The following RALYL variants were observed in gnomAD, a reference collection of about 807,000 sequenced individuals.
RALYL encodes RNA-binding Raly-like protein.
A neutral mutation model predicts 35.1 loss-of-function variants in RALYL; 29 were observed. The ratio of observed to expected loss-of-function variants is 0.83; its 90% CI spans 0.61 to 1.13. RALYL has a LOEUF of 1.13. Among genes scored for constraint, RALYL ranks in the 50% most tolerant of loss-of-function variants. The pLI is 0.00. For synonymous variants in RALYL, 120 were observed against 127.6 expected (o/e 0.94, Z 0.40); for missense variants, 359 against 360.4 (o/e 1.00, Z 0.03).
intron 3 of RALYL, among the ~76,000 whole-genome samples, chr8:84,784,188 C>T (rs1818846476): frequency 6.6e-6 from 1 of 152,178 alleles, no homozygotes; most frequent in Non-Finnish European, 1.5e-5. Flanking sequence ...TCTTCTATAA[C>T]ACAGTCTTCA....
At chr8:84,430,655 G>T (rs947041116) in intron 1 of RALYL, among the ~76,000 whole-genome samples, 1 of 152,054 alleles carries the variant, frequency 6.6e-6, no homozygotes, top group Admixed American at 6.6e-5. Flanking sequence ...ACAAGACACA[G>T]AAGCACTTTT....
At chr8:84,199,962 C>T (rs1205765937) in intron 1 of RALYL, among the ~76,000 whole-genome samples, 1 of 152,130 alleles carries the variant, frequency 6.6e-6, no homozygotes, top group Non-Finnish European at 1.5e-5. Context: ...CCTGGGAGTT[C>T]TGTAGATCCT....
chr8:84,775,014 A>G (rs1816500716), intron 3 of RALYL, among the ~76,000 whole-genome samples: 1 of 152,108 alleles, frequency 6.6e-6, no homozygotes, highest in South Asian at 2.1e-4. Context: ...CAGTGGCACA[A>G]TCTCAGCTCA....
chr8:84,661,955 T>A (rs76051189), intron 2 of RALYL, among the ~76,000 whole-genome samples: 1 of 151,440 alleles, frequency 6.6e-6, no homozygotes, highest in Non-Finnish European at 1.5e-5. Flanking sequence ...TTTTTTTTTT[T>A]CCTTGTGGTC....
At chr8:84,671,335 G>A (rs557684225) in intron 2 of RALYL, among the ~76,000 whole-genome samples, 76 of 152,264 alleles carry the variant, frequency 5.0e-4, no homozygotes, top group Non-Finnish European at 7.8e-4. Context: ...TAAACTGTTG[G>A]TGGATCTACC....
chr8:84,674,923 A>G (rs916039834), intron 2 of RALYL, among the ~76,000 whole-genome samples: 7 of 152,088 alleles, frequency 4.6e-5, no homozygotes, highest in South Asian at 2.1e-4. Context: ...ATTTATTCTT[A>G]CTTATGTTTA....
chr8:84,714,952 A>C (rs72681019), intron 2 of RALYL, among the ~76,000 whole-genome samples: 29,159 of 151,836 alleles, frequency 0.19, 3,125 homozygotes, highest in Non-Finnish European at 0.23. Context: ...AGGATATATA[A>C]GGTTAAACTT....
intron 2 of RALYL, among the ~76,000 whole-genome samples, chr8:84,644,977 T>A (rs1279251566): frequency 2.6e-5 from 4 of 152,028 alleles, no homozygotes; most frequent in African/African-American, 4.8e-5. Context: ...CTTGAGCTCC[T>A]GGCCTCAAGT....
chr8:84,569,594 ACTGTC>A (rs1229983633), intron 2 of RALYL, among the ~76,000 whole-genome samples: 2 of 151,516 alleles, frequency 1.3e-5, no homozygotes, highest in Non-Finnish European at 2.9e-5. Flanking sequence ...AGTTTAATTA[ACTGTC>A]ATTTGTCTAT....
intron 1 of RALYL, among the ~76,000 whole-genome samples, chr8:84,509,552 T>C (rs2057437371): frequency 6.6e-6 from 1 of 152,162 alleles, no homozygotes; most frequent in Non-Finnish European, 1.5e-5. Context: ...ATTTGTTTCC[T>C]GGATCGTGCC....
chr8:84,539,340 G>A (rs761755498), intron 2 of RALYL, among the ~76,000 whole-genome samples: 2 of 152,024 alleles, frequency 1.3e-5, no homozygotes, highest in Non-Finnish European at 2.9e-5. Flanking sequence ...AAGGCAAAAG[G>A]GCTAGATATC....
chr8:84,518,919 A>G (rs1365008285), intron 1 of RALYL, among the ~76,000 whole-genome samples: 1 of 152,202 alleles, frequency 6.6e-6, no homozygotes, highest in Non-Finnish European at 1.5e-5. Context: ...TGGGCATGAC[A>G]ATGTTTACCT....
At chr8:84,464,290 C>T (rs149484846) in intron 1 of RALYL, among the ~76,000 whole-genome samples, 1,643 of 152,112 alleles carry the variant, frequency 0.011, 27 homozygotes, top group African/African-American at 0.038. Flanking sequence ...ATCCCTCCCC[C>T]GTACCCCTAC....
chr8:84,552,906 A>G (rs939240423), intron 2 of RALYL, among the ~76,000 whole-genome samples: 1 of 152,130 alleles, frequency 6.6e-6, no homozygotes, highest in African/African-American at 2.4e-5. Context: ...ATAAATAAAG[A>G]AGTGACTAGT....
At chr8:84,393,014 C>T (rs773539207) in intron 1 of RALYL, among the ~76,000 whole-genome samples, 32 of 152,144 alleles carry the variant, frequency 2.1e-4, no homozygotes, top group Admixed American at 3.3e-4. Flanking sequence ...ATAAAACAGT[C>T]TTTGCCTAAA....
intron 4 of RALYL, among the ~76,000 whole-genome samples, chr8:84,841,283 C>A (rs1266185593): frequency 6.6e-6 from 1 of 151,976 alleles, no homozygotes; most frequent in East Asian, 1.9e-4. Flanking sequence ...ATCTACCAAG[C>A]AAATGGAAAA....
intron 1 of RALYL, among the ~76,000 whole-genome samples, chr8:84,290,582 T>G (rs1838586504): frequency 6.6e-6 from 1 of 152,266 alleles, no homozygotes; most frequent in Admixed American, 6.5e-5. Flanking sequence ...ATGTCATCAG[T>G]TAAGGCAAGG....
intron 1 of RALYL, among the ~76,000 whole-genome samples, chr8:84,296,325 A>G (rs1475541090): frequency 6.6e-6 from 1 of 152,138 alleles, no homozygotes; most frequent in Non-Finnish European, 1.5e-5. Context: ...TCCTAATGAA[A>G]GACTTAGATC....
chr8:84,389,716 T>C (rs1412660298), intron 1 of RALYL, among the ~76,000 whole-genome samples: 51 of 150,572 alleles, frequency 3.4e-4, no homozygotes, highest in Non-Finnish European at 6.3e-4. Context: ...TTTGCTGAAG[T>C]TGCTTATCAG....
Sources: allele counts gnomAD v4.1 joint callset (sites outside exome capture counted in the v4.1 genomes callset), GRCh38; gene constraint gnomAD v4.1.1; transcripts MANE v1.5; gene names NCBI Gene and HGNC (gene_info 2026-07-23, HGNC 2026-07-21).